Variants in STK32C observed in about 807,000 individuals in gnomAD.
STK32C encodes serine/threonine-protein kinase 32C.
A neutral mutation model predicts 56.5 loss-of-function variants in STK32C; 31 were observed. The ratio of observed to expected loss-of-function variants is 0.55; its 90% CI spans 0.41 to 0.74. The LOEUF is 0.74. STK32C is among the 30% of genes least tolerant of loss of function. The pLI, the probability that STK32C is intolerant of heterozygous loss-of-function variation, is 0.00. For missense variants in STK32C, 544 were observed against 676.9 expected, an observed-to-expected ratio of 0.80 and a Z score of 2.18; for synonymous variants, 309 against 289.4, an observed-to-expected ratio of 1.07 and a Z score of -0.69.
intron 1 of STK32C, among the ~76,000 whole-genome samples, chr10:132,289,591 TTACAGCTG>T: frequency 6.6e-6 from 1 of 152,364 alleles, no homozygotes; most frequent in Non-Finnish European, 1.5e-5. Context: ...GATTTATTTC[TTACAGCTG>T]TAAAGGCTGG....
At chr10:132,258,224 C>G (rs575449378) in intron 1 of STK32C, among the ~76,000 whole-genome samples, 39 of 152,364 alleles carry the variant, frequency 2.6e-4, no homozygotes, top group Admixed American at 1.7e-3. Context: ...GCCCAGCTGC[C>G]AAGGCTGGGC....
At chr10:132,228,798 G>C (rs2062989956) in intron 2 of STK32C, among the ~76,000 whole-genome samples, 1 of 152,206 alleles carries the variant, frequency 6.6e-6, no homozygotes, top group Non-Finnish European at 1.5e-5. Context: ...ACACTCCAGA[G>C]ACCGACTCCC....
intron 1 of STK32C, among the ~76,000 whole-genome samples, chr10:132,258,425 C>A (rs985979481): frequency 6.6e-5 from 10 of 152,392 alleles, no homozygotes; most frequent in East Asian, 3.9e-4. Flanking sequence ...CATCACCCCC[C>A]ACGGGGCCCT....
At chr10:132,236,290 G>A (rs374907702) in intron 2 of STK32C, among the ~76,000 whole-genome samples, 7 of 152,232 alleles carry the variant, frequency 4.6e-5, no homozygotes, top group African/African-American at 1.4e-4. Context: ...GCGGAGGCCC[G>A]ACTGCCCCGG....
At chr10:132,211,402 G>A (rs1010115931) in intron 10 of STK32C, among the ~76,000 whole-genome samples, 1 of 152,228 alleles carries the variant, frequency 6.6e-6, no homozygotes, top group African/African-American at 2.4e-5. Flanking sequence ...GGCAGGGGCT[G>A]TTGGTCATCC....
At chr10:132,326,338 C>CT (rs1430689293) in intron 1 of STK32C, among the ~76,000 whole-genome samples, 1 of 152,116 alleles carries the variant, frequency 6.6e-6, no homozygotes, top group Admixed American at 6.5e-5. Context: ...CTTAAAACCT[C>CT]TATTTTATTT....
At position 132,209,175 on chromosome 10, in the gene STK32C, C is replaced by G. The variant is rs1590120286; in HGVS notation, c.1252-74G>C. 9.3e-6 allele frequency: 13 copies of G among 1,394,480 alleles called. No homozygotes were observed. The Admixed American group carries it at 1.5e-4, about 17-fold the overall frequency. The allele number at this position is 1,394,480 out of a possible 1,614,324, so 86.4% of individuals were successfully genotyped here. ...CGCCCATGTCCCCTCAAGTGAGTGTCTGGGCATCCCCATCGGGCCTCCACC... is the reference window on the plus strand; with the variant it reads ...CGCCCATGTCCCCTCAAGTGAGTGTGTGGGCATCCCCATCGGGCCTCCACC... On this transcript the variant is annotated intron_variant, in intron 10 of 11. Coordinates refer to ENST00000298630, the MANE Select transcript of STK32C (RefSeq NM_173575.4).
At chr10:132,316,329 A>T (rs190860367) in intron 1 of STK32C, among the ~76,000 whole-genome samples, 59 of 152,314 alleles carry the variant, frequency 3.9e-4, no homozygotes, top group African/African-American at 1.4e-3. Flanking sequence ...TTAAAAAAAT[A>T]AGGCCAGGCA....
Position 132,281,820 on chromosome 10 carries a change from G to A in STK32C, c.262+25752C>T, listed in dbSNP as rs187845124. Among the ~76,000 whole-genome samples the A allele has an allele frequency of 1.1e-3, 173 of 152,362 alleles. 1 individual carries two copies. The South Asian group carries it at 0.012, about 11-fold the overall frequency. On this transcript the variant is annotated intron_variant, in intron 1 of 11. Transcript: ENST00000298630. Reference sequence around the variant, plus strand: ...CTGCTCCACCTTGGGAGAAGCCCGGGTGGGAGATCAGACATGGTGCTGAGG... The same window carrying A: ...CTGCTCCACCTTGGGAGAAGCCCGGATGGGAGATCAGACATGGTGCTGAGG...
At position 132,208,098 on chromosome 10, in the gene STK32C, C is replaced by A; in HGVS notation, c.1373G>T (p.Arg458Met). 7.6e-7 allele frequency: 1 copy of A among 1,311,362 alleles called. No homozygotes were observed. The highest frequency in any genetic ancestry group is 9.8e-7 in the Non-Finnish European group (1 of 1,021,550). 81.2% of individuals were successfully genotyped at this position (1,311,362 alleles called of 1,614,324 possible). A position where few individuals can be genotyped will look rare whatever the true frequency, so the allele number is the denominator to read the frequency against. The change falls in exon 12 of 12, where the codon AGG becomes ATG. Residue 458 changes from arginine to methionine, a missense_variant. By Grantham distance (91) the Arg-to-Met change is moderately conservative. Transcript: ENST00000298630. ...PREPLPAPES[R>M]DAAEPVEDEA... ...GTCCTCCACAGGCTCCGCAGCATCC[C>A]TGGACTCAGGGGCGGGGAGAGGCTC...
intron 10 of STK32C, among the ~76,000 whole-genome samples, chr10:132,221,443 T>C (rs2062640952): frequency 1.4e-5 from 2 of 140,444 alleles, no homozygotes; most frequent in South Asian, 2.4e-4. Context: ...TGGCCATCCC[T>C]GCACACACTC....
At chr10:132,281,006 G>T (rs146694328) in intron 1 of STK32C, among the ~76,000 whole-genome samples, 2 of 144,804 alleles carry the variant, frequency 1.4e-5, no homozygotes, top group African/African-American at 2.6e-5. Context: ...CCGTGATCAC[G>T]CCCCTGCACT....
chr10:132,239,730 G>A (rs2063434115), intron 2 of STK32C, among the ~76,000 whole-genome samples: 1 of 152,254 alleles, frequency 6.6e-6, no homozygotes, highest in African/African-American at 2.4e-5. Context: ...TCAACTTTTA[G>A]CGGCCACTGA....
intron 1 of STK32C, among the ~76,000 whole-genome samples, chr10:132,291,325 T>A (rs1443679160): frequency 1.3e-5 from 2 of 152,220 alleles, no homozygotes; most frequent in Admixed American, 1.3e-4. Context: ...CTCCACTGGC[T>A]GTGGGTGACC....
At chr10:132,327,574 C>T (rs1282200391) in intron 1 of STK32C, among the ~76,000 whole-genome samples, 3 of 151,876 alleles carry the variant, frequency 2.0e-5, no homozygotes, top group Non-Finnish European at 4.4e-5. Flanking sequence ...TTACCAGGTT[C>T]AAGCAATTCT....
intron 1 of STK32C, among the ~76,000 whole-genome samples, chr10:132,301,604 C>G (rs2065912935): frequency 6.6e-6 from 1 of 152,244 alleles, no homozygotes; most frequent in Admixed American, 6.5e-5. Context: ...ACACACCAGA[C>G]TACCCTGCCT....
At chr10:132,298,237 G>A (rs1454305274) in intron 1 of STK32C, among the ~76,000 whole-genome samples, 1 of 152,216 alleles carries the variant, frequency 6.6e-6, no homozygotes, top group South Asian at 2.1e-4. Context: ...ATCTGAGCTG[G>A]GCCTGTGACT....
At chr10:132,230,261 AGCAGCCCCTG>A (rs1274857255) in intron 2 of STK32C, among the ~76,000 whole-genome samples, 1 of 152,268 alleles carries the variant, frequency 6.6e-6, no homozygotes, top group East Asian at 1.9e-4. Flanking sequence ...CGTAAGCTGC[AGCAGCCCCTG>A]GCTGCCCCTG....
chr10:132,243,657 A>T (rs1395010371), intron 2 of STK32C, among the ~76,000 whole-genome samples: 2 of 152,214 alleles, frequency 1.3e-5, no homozygotes, highest in African/African-American at 4.8e-5. Flanking sequence ...GTAATTTTTT[A>T]AAAACTGAAA....
Sources: gnomAD v4.1 joint callset for allele counts (sites outside exome capture counted in the v4.1 genomes callset) on GRCh38, gnomAD v4.1.1 for gene constraint, MANE v1.5 for transcripts, NCBI Gene and HGNC (gene_info 2026-07-23, HGNC 2026-07-21) for gene names.